STAC: variants seen among roughly 807,000 people sequenced by gnomAD.
The protein encoded by STAC is SH3 and cysteine-rich domain-containing protein.
In STAC, 43 loss-of-function variants were observed where a neutral mutation model predicts 48.8. The observed-to-expected ratio is 0.88, with a 90% CI of 0.69 to 1.14. STAC has a LOEUF of 1.14. STAC is among the 50% of genes most tolerant of loss of function. The pLI is 0.00. For synonymous variants in STAC, 193 were observed against 179.5 expected (o/e 1.07, Z -0.60); for missense variants, 497 against 504.0 (o/e 0.99, Z 0.13).
At chr3:36,473,967 T>G (rs1575224444) in intron 2 of STAC, among the ~76,000 whole-genome samples, 2 of 152,344 alleles carry the variant, frequency 1.3e-5, no homozygotes, top group East Asian at 3.9e-4. Flanking sequence ...TACACTTACA[T>G]TGGCTACTGC....
chr3:36,454,105 G>A (rs1238191446), intron 2 of STAC, among the ~76,000 whole-genome samples: 1 of 152,160 alleles, frequency 6.6e-6, no homozygotes, highest in Non-Finnish European at 1.5e-5. Flanking sequence ...CCAAATAAGA[G>A]AATAAAAGCA....
chr3:36,517,460 C>T (rs368651112), intron 8 of STAC, among the ~76,000 whole-genome samples: 3 of 152,118 alleles, frequency 2.0e-5, no homozygotes, highest in Non-Finnish European at 2.9e-5. Context: ...AACCAGCCTG[C>T]GCAACATGGA....
chr3:36,381,919 G>A (rs1699517841), intron 1 of STAC, among the ~76,000 whole-genome samples: 1 of 152,076 alleles, frequency 6.6e-6, no homozygotes, highest in South Asian at 2.1e-4. Context: ...CCTGGGGTAT[G>A]TGTGTCAACT....
chr3:36,431,637 C>A, intron 1 of STAC, among the ~76,000 whole-genome samples: 1 of 152,112 alleles, frequency 6.6e-6, no homozygotes, highest in Non-Finnish European at 1.5e-5. Context: ...CCCAAAACAT[C>A]AATGAGCAAT....
chr3:36,470,229 G>T (rs1452991675), intron 2 of STAC, among the ~76,000 whole-genome samples: 2 of 152,348 alleles, frequency 1.3e-5, no homozygotes, highest in Non-Finnish European at 2.9e-5. Flanking sequence ...TTCAAGGGCT[G>T]CTGTGAGATT....
chr3:36,464,089 G>A (rs896220574), intron 2 of STAC, among the ~76,000 whole-genome samples: 158 of 152,222 alleles, frequency 1.0e-3, no homozygotes, highest in African/African-American at 3.1e-3. Context: ...CTGAGGAATC[G>A]CCACACTGAC....
intron 8 of STAC, among the ~76,000 whole-genome samples, chr3:36,509,285 G>A (rs758232960): frequency 2.6e-5 from 4 of 151,944 alleles, no homozygotes; most frequent in Non-Finnish European, 4.4e-5. Flanking sequence ...TTAGTCTGAT[G>A]TGCTTCCCTT....
intron 8 of STAC, among the ~76,000 whole-genome samples, chr3:36,512,014 A>C (rs1377863029): frequency 1.3e-5 from 2 of 152,114 alleles, no homozygotes; most frequent in Non-Finnish European, 2.9e-5. Context: ...CCCTGAGGTC[A>C]GCTTTGTTTC....
chr3:36,386,005 A>G (rs1423881981), intron 1 of STAC, among the ~76,000 whole-genome samples: 4 of 152,064 alleles, frequency 2.6e-5, no homozygotes, highest in African/African-American at 9.7e-5. Context: ...TATTGGGTAT[A>G]TACCTAGAAG....
intron 6 of STAC, among the ~76,000 whole-genome samples, chr3:36,501,275 CT>C (rs1196648548): frequency 6.6e-6 from 1 of 151,908 alleles, no homozygotes; most frequent in Admixed American, 6.6e-5. Context: ...AAAGTAATAT[CT>C]AAACACTATA....
intron 3 of STAC, 83 bp downstream of exon 3, chr3:36,483,175 C>T: frequency 9.2e-7 from 1 of 1,086,482 alleles, no homozygotes; most frequent in Non-Finnish European, 1.4e-6. Context: ...CCTCCAAAAT[C>T]CTTCCCTGAA....
chr3:36,539,883 T>C (rs1699283263), intron 10 of STAC, among the ~76,000 whole-genome samples: 1 of 152,148 alleles, frequency 6.6e-6, no homozygotes, highest in Admixed American at 6.5e-5. Flanking sequence ...TCCCCAAAGA[T>C]GCCCGGGTCC....
At chr3:36,504,349 G>A (rs766964486) in intron 6 of STAC, 44 bp from the exon 7 acceptor site, 66 of 1,534,818 alleles carry the variant, frequency 4.3e-5, no homozygotes, top group Admixed American at 8.4e-5. Context: ...TGTTTAAATG[G>A]TAACTAGATT....
At chr3:36,528,153 C>A (rs1305308993) in intron 8 of STAC, among the ~76,000 whole-genome samples, 1 of 152,124 alleles carries the variant, frequency 6.6e-6, no homozygotes, top group East Asian at 1.9e-4. Context: ...GCTTCATGAT[C>A]ATTTATGTAT....
intron 5 of STAC, among the ~76,000 whole-genome samples, chr3:36,491,745 G>A (rs1316893669): frequency 6.6e-6 from 1 of 151,612 alleles, no homozygotes; most frequent in Non-Finnish European, 1.5e-5. Context: ...CAGGTCTGGT[G>A]GCTCACGCCT....
chr3:36,404,519 C>G (rs1349649254), intron 1 of STAC, among the ~76,000 whole-genome samples: 1 of 152,092 alleles, frequency 6.6e-6, no homozygotes, highest in African/African-American at 2.4e-5. Flanking sequence ...TATATAAATA[C>G]TCATATGTAT....
At chr3:36,471,945 G>A (rs1697349291) in intron 2 of STAC, among the ~76,000 whole-genome samples, 1 of 152,190 alleles carries the variant, frequency 6.6e-6, no homozygotes. Flanking sequence ...ACTAGGCAGT[G>A]CCCCAGTAGG....
chr3:36,529,520 T>C (rs1414172081), intron 10 of STAC, among the ~76,000 whole-genome samples: 2 of 152,156 alleles, frequency 1.3e-5, no homozygotes. Flanking sequence ...TCTCTGTATG[T>C]CTAATCTAGA....
intron 1 of STAC, among the ~76,000 whole-genome samples, chr3:36,413,277 T>A (rs1158208422): frequency 6.6e-6 from 1 of 152,200 alleles, no homozygotes; most frequent in Non-Finnish European, 1.5e-5. Flanking sequence ...CAGTGAGGTG[T>A]TAAGTCTCCC....
Sources: allele counts gnomAD v4.1 joint callset (sites outside exome capture counted in the v4.1 genomes callset), GRCh38; gene constraint gnomAD v4.1.1; transcripts MANE v1.5; gene names NCBI Gene and HGNC (gene_info 2026-07-23, HGNC 2026-07-21).